Variants in CTNNBL1 observed in about 807,000 individuals in gnomAD.
CTNNBL1 encodes beta-catenin-like protein 1.
In CTNNBL1, 31 loss-of-function variants were observed where a neutral mutation model predicts 72.7. That is an observed-to-expected ratio of 0.43 (90% CI 0.32 to 0.58). The LOEUF is 0.58. Among genes scored for constraint, CTNNBL1 ranks in the 20% least tolerant of loss-of-function variants. CTNNBL1 has a pLI of 0.08. For missense variants in CTNNBL1, 534 were observed against 725.1 expected (o/e 0.74, Z 3.03); for synonymous variants, 240 against 267.3 (o/e 0.90, Z 1.00).
chr20:37,769,231 A>G (rs1484952905), intron 7 of CTNNBL1, among the ~76,000 whole-genome samples: 1 of 152,220 alleles, frequency 6.6e-6, no homozygotes, highest in Non-Finnish European at 1.5e-5. Context: ...TAAAATATAC[A>G]TTTGTCTCAG....
intron 5 of CTNNBL1, among the ~76,000 whole-genome samples, chr20:37,761,453 T>C (rs947153009): frequency 2.6e-5 from 4 of 152,242 alleles, no homozygotes; most frequent in African/African-American, 9.6e-5. Context: ...AGGTTTATGT[T>C]GCTGTAAGGG....
intron 15 of CTNNBL1, among the ~76,000 whole-genome samples, chr20:37,871,533 A>G (rs2072584537): frequency 6.6e-6 from 1 of 152,138 alleles, no homozygotes; most frequent in African/African-American, 2.4e-5. Context: ...GACCTAATCT[A>G]GACCTAATCT....
intron 13 of CTNNBL1, among the ~76,000 whole-genome samples, chr20:37,858,392 A>G (rs1044108143): frequency 1.3e-5 from 2 of 152,226 alleles, no homozygotes; most frequent in Non-Finnish European, 2.9e-5. Context: ...GTCATGTTGC[A>G]GAGTGGTTTG....
chr20:37,735,946 A>G (rs1380580487), intron 2 of CTNNBL1, among the ~76,000 whole-genome samples: 1 of 152,244 alleles, frequency 6.6e-6, no homozygotes, highest in African/African-American at 2.4e-5. Context: ...AGCAGGGTGC[A>G]TTGCAGCACA....
At chr20:37,867,751 A>G (rs2072548464) in intron 15 of CTNNBL1, among the ~76,000 whole-genome samples, 1 of 152,074 alleles carries the variant, frequency 6.6e-6, no homozygotes. Context: ...ACTCTTTCCC[A>G]AGACCTCTGG....
chr20:37,827,483 A>C (rs150614455), intron 11 of CTNNBL1, among the ~76,000 whole-genome samples: 2 of 152,350 alleles, frequency 1.3e-5, no homozygotes, highest in East Asian at 3.9e-4. Context: ...GGTGGAAAAG[A>C]GAACTGTTCA....
At chr20:37,714,387 C>A (rs1177378708) in intron 1 of CTNNBL1, among the ~76,000 whole-genome samples, 7 of 152,190 alleles carry the variant, frequency 4.6e-5, no homozygotes, top group Non-Finnish European at 1.0e-4. Context: ...TGAGGCTTAG[C>A]ACCTCCCCAG....
At chr20:37,865,056 G>A (rs1326312093) in intron 15 of CTNNBL1, among the ~76,000 whole-genome samples, 1 of 152,178 alleles carries the variant, frequency 6.6e-6, no homozygotes, top group Non-Finnish European at 1.5e-5. Flanking sequence ...ATGCACAGCG[G>A]TAAGGAATGT....
chr20:37,698,846 G>C (rs2072815024), intron 1 of CTNNBL1, among the ~76,000 whole-genome samples: 1 of 152,170 alleles, frequency 6.6e-6, no homozygotes, highest in Admixed American at 6.5e-5. Flanking sequence ...AGGAGTTCCA[G>C]ACCAGCCTGG....
intron 5 of CTNNBL1, among the ~76,000 whole-genome samples, chr20:37,761,305 G>C (rs2073415381): frequency 6.6e-6 from 1 of 152,198 alleles, no homozygotes; most frequent in African/African-American, 2.4e-5. Flanking sequence ...GATGTGGACT[G>C]CCAGGGGACT....
At chr20:37,728,817 A>C (rs746162152) in intron 1 of CTNNBL1, among the ~76,000 whole-genome samples, 17 of 152,236 alleles carry the variant, frequency 1.1e-4, no homozygotes, top group Admixed American at 4.6e-4. Context: ...CATCATGAGG[A>C]GCTAAAGATA....
At chr20:37,729,934 A>G (rs1195536662) in intron 1 of CTNNBL1, among the ~76,000 whole-genome samples, 2 of 152,176 alleles carry the variant, frequency 1.3e-5, no homozygotes, top group Admixed American at 6.5e-5. Context: ...GTCCTTATGG[A>G]AAATAAAGTG....
chr20:37,779,365 CT>C, intron 10 of CTNNBL1, 30 bp downstream of exon 10: 2 of 1,606,172 alleles, frequency 1.2e-6, no homozygotes, highest in Non-Finnish European at 1.7e-6. Flanking sequence ...GTTCTCCCAC[CT>C]TTTTTGCCTG....
intron 7 of CTNNBL1, among the ~76,000 whole-genome samples, chr20:37,768,502 A>G (rs1317720736): frequency 2.6e-5 from 4 of 152,252 alleles, no homozygotes; most frequent in African/African-American, 7.2e-5. Flanking sequence ...TGATGTACCA[A>G]AATTAATCTC....
Position 37,802,878 on chromosome 20 carries a change from T to A in CTNNBL1, c.1043T>A (p.Ile348Asn). The change falls in exon 11 of 16, where the codon ATC becomes AAC. Residue 348 changes from isoleucine (I) to asparagine (N), a missense_variant. By Grantham distance (149) the Ile-to-Asn change is moderately radical (BLOSUM62 -3). Coordinates refer to ENST00000361383, the MANE Select transcript of CTNNBL1 (RefSeq NM_030877.5). ...LMNLMLREKK[I>N]SRSSALKVLD... ...TCTTTTGTTCACAGGGAAAAGAAGA[T>A]CTCCCGGAGCAGTGCCCTGAAAGTG... 1.9e-6 allele frequency: 3 copies of A among 1,610,764 alleles called. No homozygotes were observed. The highest frequency in any genetic ancestry group is 2.2e-5 in the East Asian group (1 of 44,824).
At chr20:37,823,316 A>G (rs376105150) in intron 11 of CTNNBL1, among the ~76,000 whole-genome samples, 2 of 152,322 alleles carry the variant, frequency 1.3e-5, no homozygotes, top group Admixed American at 6.5e-5. Context: ...CTGTCCTCTA[A>G]CTGCCGCCTG....
chr20:37,788,445 C>T (rs1370490005), intron 10 of CTNNBL1, among the ~76,000 whole-genome samples: 1 of 152,212 alleles, frequency 6.6e-6, no homozygotes, highest in African/African-American at 2.4e-5. Context: ...AGTTAAAAAG[C>T]CTGTTGCCGA....
chr20:37,742,432 T>C lies in CTNNBL1; in HGVS notation c.327-4036T>C, dbSNP rs575223892. 5.3e-5 allele frequency among the ~76,000 whole-genome samples: 8 copies of C among 152,340 alleles called. No individual in the cohort carries two copies. The South Asian group carries it at 1.7e-3, about 32-fold the overall frequency. On this transcript the variant is annotated intron_variant, in intron 3 of 15. Coordinates refer to ENST00000361383, the MANE Select transcript of CTNNBL1 (RefSeq NM_030877.5). ...TGGCAGAACTGGCTCATGTTCTGAT[T>C]TGTATTACAGTTATGGTTCAATAAA...
chr20:37,833,160 T>G (rs1004720007), intron 11 of CTNNBL1, among the ~76,000 whole-genome samples: 11 of 152,198 alleles, frequency 7.2e-5, no homozygotes, highest in African/African-American at 2.7e-4. Flanking sequence ...GGCTATTGTT[T>G]CCATACTCAG....
Sources: allele counts gnomAD v4.1 joint callset (sites outside exome capture counted in the v4.1 genomes callset), GRCh38; gene constraint gnomAD v4.1.1; transcripts MANE v1.5; gene names NCBI Gene and HGNC (gene_info 2026-07-23, HGNC 2026-07-21).